Variants in ZNF454 observed in about 807,000 individuals in gnomAD.
ZNF454 encodes the protein zinc finger protein 454.
In ZNF454, 30 loss-of-function variants were observed where a neutral mutation model predicts 48.2. That is an observed-to-expected ratio of 0.62 (90% CI 0.47 to 0.84). The LOEUF is 0.84. Ranked by LOEUF, ZNF454 falls within the 40% of genes least tolerant of loss-of-function variation. ZNF454 has a pLI of 0.00. For missense variants in ZNF454, 510 were observed against 623.1 expected (o/e 0.82, Z 1.93); for synonymous variants, 204 against 211.4 (o/e 0.97, Z 0.30).
chr5:178,941,535 A>G lies in ZNF454; in HGVS notation c.-108+91A>G, dbSNP rs1759089398. On this transcript the variant is annotated intron_variant, in intron 1 of 4. Transcript: ENST00000519564. The surrounding 1 kb of genome is among the most constrained non-coding windows in gnomAD (Gnocchi z 5.5). ...GAGTCTGTGAGTGCCTGTGGAGGAG[A>G]TGGAGCCAGGGCCTCTGGCATGTGT... 2.2e-6 allele frequency: 1 copy of G among 455,840 alleles called. No individual in the cohort carries two copies. The highest frequency in any genetic ancestry group is 2.0e-5 in the African/African-American group (1 of 49,974). The allele number at this position is 455,840 out of a possible 1,614,324, so 28.2% of individuals were successfully genotyped here. A position where few individuals can be genotyped will look rare whatever the true frequency, so the allele number is the denominator to read the frequency against.
At chr5:178,974,513 T>C in the ZNF454 span, among the ~76,000 whole-genome samples, 2 of 151,980 alleles carry the variant, frequency 1.3e-5, no homozygotes, top group African/African-American at 4.8e-5. Flanking sequence ...AGAGACGGGG[T>C]TTCACCGTGT....
In ZNF454 at chr5:178,946,170, G is replaced by A. The variant is rs970217187; in HGVS notation, c.34-189G>A. On this transcript the variant is annotated intron_variant, in intron 2 of 4. Coordinates refer to ENST00000519564, the MANE Select transcript of ZNF454 (RefSeq NM_001178089.3). The surrounding 1 kb of genome is among the most constrained non-coding windows in gnomAD (Gnocchi z 4.5). ...CATATATGTTTCTTCAGCGTGGAGA[G>A]CAATGTCTAGTCCAAGGCTAGGCCC... is the stretch of plus-strand genomic sequence containing the variant. Among the ~76,000 whole-genome samples the A allele has an allele frequency of 2.4e-4, 37 of 152,092 alleles. No individual in the cohort carries two copies. Among genetic ancestry groups the A allele is most frequent in the Non-Finnish European group, 5.1e-4 (35 of 68,010 alleles).
chr5:178,965,640 C>A lies in ZNF454; in HGVS notation c.1236C>A (p.Tyr412Ter). Residue 412 changes from tyrosine to a stop codon, truncating the protein, a stop_gained, in exon 5 of 5, where the codon TAC (tyrosine) becomes TAA (stop). Coordinates refer to ENST00000519564, the MANE Select transcript of ZNF454 (RefSeq NM_001178089.3). LOFTEE classifies it high-confidence loss of function. This position sits in a 1 kb window ranked among gnomAD's most constrained non-coding sequence, Gnocchi z 5.2. ...HRKIHTGEKPYRCGLCEKAFR... is the reference protein window; with the variant it reads ...HRKIHTGEKP Reference sequence around the variant, plus strand: ...AAATTCACACTGGAGAGAAACCTTACAGATGTGGCTTGTGTGAGAAAGCCT... The same window carrying A: ...AAATTCACACTGGAGAGAAACCTTAAAGATGTGGCTTGTGTGAGAAAGCCT... The A allele has an allele frequency of 6.2e-7, 1 of 1,614,138 alleles. No individual in the cohort carries two copies. Among genetic ancestry groups the A allele is most frequent in the South Asian group, 1.1e-5 (1 of 91,082 alleles).
chr5:178,949,791 A>AT (rs1393525383), intron 4 of ZNF454, among the ~76,000 whole-genome samples: 1 of 151,608 alleles, frequency 6.6e-6, no homozygotes, highest in African/African-American at 2.4e-5. Context: ...TAATTTTTGT[A>AT]TTTTTAGTAG....
At chr5:178,974,566 G>T in the ZNF454 span, among the ~76,000 whole-genome samples, 7 of 152,154 alleles carry the variant, frequency 4.6e-5, no homozygotes, top group Non-Finnish European at 1.0e-4. Context: ...GATCCACCTA[G>T]CTTGGCCTCT....
chr5:178,953,366 C>T (rs899759490), intron 4 of ZNF454, among the ~76,000 whole-genome samples: 6 of 152,076 alleles, frequency 3.9e-5, no homozygotes, highest in African/African-American at 1.2e-4. Flanking sequence ...TTCATTGGTT[C>T]TTAGTTTAGT....
At chr5:178,969,665 C>T (rs1459419787), downstream of ZNF454, 2 of 456,578 alleles carry the variant, frequency 4.4e-6, no homozygotes, top group Admixed American at 2.3e-5. Flanking sequence ...GGCCAGTCTC[C>T]CCGCCCCTCA....
At chr5:178,945,300 G>A (rs1261362861) in intron 2 of ZNF454, among the ~76,000 whole-genome samples, 1 of 151,438 alleles carries the variant, frequency 6.6e-6, no homozygotes, top group East Asian at 1.9e-4. Context: ...CACTTGTGTG[G>A]TACGTGTCTG....
In ZNF454 at chr5:178,966,072, A is replaced by C; in HGVS notation, c.*99A>C. ...GAGAATAACTATGAAAGCTTGCATCAAGATAGTCACTTTATTTACTGAGGG... is the reference window on the plus strand; with the variant it reads ...GAGAATAACTATGAAAGCTTGCATCCAGATAGTCACTTTATTTACTGAGGG... On this transcript the variant is annotated 3_prime_UTR_variant, in exon 5 of 5. Coordinates refer to ENST00000519564, the MANE Select transcript of ZNF454 (RefSeq NM_001178089.3). 9.1e-7 allele frequency: 1 copy of C among 1,093,414 alleles called. No homozygotes were observed. Among genetic ancestry groups the C allele is most frequent in the Non-Finnish European group, 1.3e-6 (1 of 766,102 alleles). The allele number at this position is 1,093,414 out of a possible 1,614,324, so 67.7% of individuals were successfully genotyped here. A position where few individuals can be genotyped will look rare whatever the true frequency, so the allele number is the denominator to read the frequency against.
At chr5:178,954,133 C>CTA (rs1378863581) in intron 4 of ZNF454, among the ~76,000 whole-genome samples, 1 of 152,036 alleles carries the variant, frequency 6.6e-6, no homozygotes, top group Non-Finnish European at 1.5e-5. Context: ...TGGTGGGAGC[C>CTA]TGTAATCCCA....
Position 178,965,868 on chromosome 5 carries a change from G to T in ZNF454, c.1464G>T (p.Arg488Ser), listed in dbSNP as rs1017043500. ...IRSTHLTQHQ[R>S]IHTGEKPYKC... Reference sequence around the variant, plus strand: ...GCACTCACCTGACTCAACATCAGAGGATTCACACAGGAGAGAAACCCTATA... The same window carrying T: ...GCACTCACCTGACTCAACATCAGAGTATTCACACAGGAGAGAAACCCTATA... The change falls in exon 5 of 5, where the codon AGG becomes AGT. Residue 488 changes from arginine (R) to serine (S), a missense_variant. By Grantham distance (110) the Arg-to-Ser change is moderately radical (BLOSUM62 -1). Transcript: ENST00000519564. This position sits in a 1 kb window ranked among gnomAD's most constrained non-coding sequence, Gnocchi z 5.2. 1.2e-6 allele frequency: 2 copies of T among 1,611,676 alleles called. No individual in the cohort carries two copies. Among genetic ancestry groups the T allele is most frequent in the Admixed American group, 3.3e-5 (2 of 59,788 alleles).
At chr5:178,945,461 GT>G (rs941051776) in intron 2 of ZNF454, among the ~76,000 whole-genome samples, 1 of 149,062 alleles carries the variant, frequency 6.7e-6, no homozygotes, top group Admixed American at 6.7e-5. Flanking sequence ...TGTGGGGGGG[GT>G]GTGTCGTGTG....
At chr5:178,960,997 C>T (rs1418810773) in intron 4 of ZNF454, among the ~76,000 whole-genome samples, 2 of 149,130 alleles carry the variant, frequency 1.3e-5, no homozygotes, top group Non-Finnish European at 3.0e-5. Context: ...GTGGCACGAT[C>T]TCAGCTCACT....
intron 4 of ZNF454, among the ~76,000 whole-genome samples, chr5:178,952,380 C>G (rs1211524964): frequency 2.0e-5 from 3 of 152,214 alleles, no homozygotes; most frequent in Non-Finnish European, 4.4e-5. Context: ...CTTTCTACGA[C>G]TTACACATTC....
chr5:178,967,708 C>T (rs1760183112), downstream of ZNF454, among the ~76,000 whole-genome samples: 1 of 147,536 alleles, frequency 6.8e-6, no homozygotes, highest in Non-Finnish European at 1.5e-5. Context: ...AGTATGGTTC[C>T]TTTACCCTGT....
At chr5:178,964,067 C>G (rs1314561424) in intron 4 of ZNF454, among the ~76,000 whole-genome samples, 3 of 151,026 alleles carry the variant, frequency 2.0e-5, no homozygotes, top group African/African-American at 7.3e-5. Context: ...AATCAGATAA[C>G]TTCTCTATTA....
chr5:178,986,765 A>T, the ZNF454 span: 1 of 1,609,810 alleles, frequency 6.2e-7, no homozygotes, highest in South Asian at 1.1e-5. Context: ...TGGGACGCAC[A>T]AAACACAGGC....
intron 4 of ZNF454, among the ~76,000 whole-genome samples, chr5:178,948,284 T>C (rs1480408359): frequency 6.6e-6 from 1 of 152,120 alleles, no homozygotes; most frequent in African/African-American, 2.4e-5. Flanking sequence ...AATAATATTC[T>C]GAATAGTCTA....
the ZNF454 span, chr5:178,979,801 A>C: frequency 6.5e-6 from 1 of 153,108 alleles, no homozygotes; most frequent in Non-Finnish European, 1.5e-5. Flanking sequence ...ATGCAGGAAA[A>C]CTTTCCCTTG....
Sources: allele counts gnomAD v4.1 joint callset (sites outside exome capture counted in the v4.1 genomes callset), GRCh38; gene constraint gnomAD v4.1.1; non-coding constraint Gnocchi (gnomAD v3.1); transcripts MANE v1.5; gene names NCBI Gene and HGNC (gene_info 2026-07-23, HGNC 2026-07-21).